Variants in FHIT observed in about 807,000 individuals in gnomAD.
FHIT encodes the protein bis(5'-adenosyl)-triphosphatase.
FHIT carries 19 observed loss-of-function variants against 17.9 expected under a neutral mutation model. The ratio of observed to expected loss-of-function variants is 1.06; its 90% CI spans 0.74 to 1.56. FHIT has a LOEUF of 1.56. Ranked by LOEUF, FHIT falls within the 40% of genes most tolerant of loss-of-function variation. FHIT has a pLI of 0.00. For synonymous variants in FHIT, 81 were observed against 69.7 expected, an observed-to-expected ratio of 1.16 and a Z score of -0.81; for missense variants, 248 against 189.2, an observed-to-expected ratio of 1.31 and a Z score of -1.82.
At chr3:61,209,496 C>T (rs1328674665) in intron 1 of FHIT, among the ~76,000 whole-genome samples, 2 of 150,612 alleles carry the variant, frequency 1.3e-5, no homozygotes, top group African/African-American at 2.4e-5. Context: ...TCCCATATTT[C>T]TTGGAGGCTT....
At chr3:60,670,908 C>T (rs2040489917) in intron 4 of FHIT, among the ~76,000 whole-genome samples, 1 of 152,076 alleles carries the variant, frequency 6.6e-6, no homozygotes, top group Admixed American at 6.5e-5. Flanking sequence ...TAGCTAAGAG[C>T]CAGGTAGAAC....
chr3:59,884,207 G>A (rs1703524535), intron 8 of FHIT, among the ~76,000 whole-genome samples: 1 of 152,192 alleles, frequency 6.6e-6, no homozygotes, highest in African/African-American at 2.4e-5. Context: ...AGCATTCTGT[G>A]AGAATCAAAT....
chr3:60,952,179 C>CA lies in FHIT; in HGVS notation c.-111+89867dup, dbSNP rs67284263. 4.6e-3 allele frequency among the ~76,000 whole-genome samples: 477 copies of CA among 103,180 alleles called. 2 individuals carry two copies. Among genetic ancestry groups the CA allele is most frequent in the African/African-American group, 0.012 (351 of 29,184 alleles). The allele number at this position is 103,180 out of a possible 152,430, so 67.7% of individuals were successfully genotyped here. Reference sequence around the variant, plus strand: ...AACTCCGTCCTCCCCACCCCCCCCCCAAAAAAAAAAAAGAGATTCCACTTT... The same window carrying CA: ...AACTCCGTCCTCCCCACCCCCCCCCCAAAAAAAAAAAAAGAGATTCCACTTT... On this transcript the variant is annotated intron_variant, in intron 3 of 9. Transcript: ENST00000492590.
intron 5 of FHIT, among the ~76,000 whole-genome samples, chr3:60,213,765 A>G (rs1490847601): frequency 6.6e-6 from 1 of 152,202 alleles, no homozygotes; most frequent in Non-Finnish European, 1.5e-5. Context: ...CATTCCTTCA[A>G]TATTCCATTA....
intron 1 of FHIT, among the ~76,000 whole-genome samples, chr3:61,228,868 A>G (rs2040031592): frequency 6.6e-6 from 1 of 152,250 alleles, no homozygotes; most frequent in Non-Finnish European, 1.5e-5. Context: ...CAATAAGGCC[A>G]TTCCGTTTTA....
At chr3:60,033,585 G>C (rs1013206183) in intron 5 of FHIT, among the ~76,000 whole-genome samples, 3 of 152,096 alleles carry the variant, frequency 2.0e-5, no homozygotes, top group Non-Finnish European at 4.4e-5. Flanking sequence ...AGTCTTTAAA[G>C]ATACATGCTG....
intron 8 of FHIT, among the ~76,000 whole-genome samples, chr3:59,879,205 T>G (rs1703296075): frequency 6.6e-6 from 1 of 152,040 alleles, no homozygotes; most frequent in Non-Finnish European, 1.5e-5. Context: ...TCTCTGTGGT[T>G]CTTGTGCAAA....
chr3:59,974,457 C>G (rs781628869), intron 7 of FHIT, among the ~76,000 whole-genome samples: 2 of 152,144 alleles, frequency 1.3e-5, no homozygotes, highest in African/African-American at 2.4e-5. Flanking sequence ...TGGCCTAGTT[C>G]CACTGACTAT....
intron 2 of FHIT, among the ~76,000 whole-genome samples, chr3:61,044,689 C>A (rs183707189): frequency 2.0e-4 from 31 of 152,094 alleles, no homozygotes; most frequent in Non-Finnish European, 4.0e-4. Flanking sequence ...GTCAGATTCA[C>A]CAAAGTTGAA....
intron 1 of FHIT, among the ~76,000 whole-genome samples, chr3:61,202,352 G>A (rs1023968227): frequency 6.6e-6 from 1 of 151,762 alleles, no homozygotes; most frequent in Non-Finnish European, 1.5e-5. Flanking sequence ...TGGGAAGTGA[G>A]GAGTGCCTCT....
chr3:59,752,729 C>T (rs1313891445), intron 8 of FHIT, among the ~76,000 whole-genome samples: 1 of 151,940 alleles, frequency 6.6e-6, no homozygotes, highest in East Asian at 1.9e-4. Context: ...TGTGTAGCAC[C>T]TCCCTCCACT....
At chr3:60,327,974 G>A (rs540289694) in intron 5 of FHIT, among the ~76,000 whole-genome samples, 4 of 152,314 alleles carry the variant, frequency 2.6e-5, no homozygotes, top group African/African-American at 9.6e-5. Flanking sequence ...AGTGATCCCA[G>A]AGCCCTGTGA....
intron 2 of FHIT, among the ~76,000 whole-genome samples, chr3:61,100,728 C>G (rs2035793164): frequency 6.6e-6 from 1 of 152,134 alleles, no homozygotes; most frequent in Admixed American, 6.5e-5. Flanking sequence ...ATCTGTTGTT[C>G]CTGACTTTTT....
chr3:60,261,993 T>C (rs558759988), intron 5 of FHIT, among the ~76,000 whole-genome samples: 1 of 152,030 alleles, frequency 6.6e-6, no homozygotes, highest in Non-Finnish European at 1.5e-5. Flanking sequence ...ATTTCTCCCC[T>C]ACCATCTACT....
chr3:60,683,017 A>G (rs2040786966), intron 4 of FHIT, among the ~76,000 whole-genome samples: 1 of 152,198 alleles, frequency 6.6e-6, no homozygotes. Context: ...AGAAATAGCG[A>G]CAACTAGAAT....
At chr3:60,272,340 T>C (rs1480824752) in intron 5 of FHIT, among the ~76,000 whole-genome samples, 2 of 152,182 alleles carry the variant, frequency 1.3e-5, no homozygotes, top group South Asian at 2.1e-4. Flanking sequence ...GAAGGTTGCA[T>C]AGACCAGGGA....
chr3:60,365,408 T>A (rs537970057), intron 5 of FHIT, among the ~76,000 whole-genome samples: 1 of 152,188 alleles, frequency 6.6e-6, no homozygotes, highest in Non-Finnish European at 1.5e-5. Context: ...ATATACTCAC[T>A]GAGTTTTAAA....
chr3:59,988,145 G>A (rs1003844764), intron 7 of FHIT, among the ~76,000 whole-genome samples: 1 of 152,082 alleles, frequency 6.6e-6, no homozygotes, highest in Non-Finnish European at 1.5e-5. Context: ...AACAGAGAAT[G>A]AGAAATTCTC....
At chr3:61,022,647 C>T (rs959678167) in intron 3 of FHIT, among the ~76,000 whole-genome samples, 13 of 152,156 alleles carry the variant, frequency 8.5e-5, no homozygotes, top group Admixed American at 1.3e-4. Flanking sequence ...TTATCCACCA[C>T]GATCAAGTTG....
Sources: allele counts gnomAD v4.1 joint callset (sites outside exome capture counted in the v4.1 genomes callset), GRCh38; gene constraint gnomAD v4.1.1; transcripts MANE v1.5; gene names NCBI Gene and HGNC (gene_info 2026-07-23, HGNC 2026-07-21).